The following GRM8 variants were observed in gnomAD, a reference collection of about 807,000 sequenced individuals.
The protein encoded by GRM8 is glutamate metabotropic receptor 8.
GRM8 carries 47 observed loss-of-function variants against 87.2 expected under a neutral mutation model. That is an observed-to-expected ratio of 0.54 (90% confidence interval 0.43 to 0.69). GRM8 has a LOEUF of 0.69. Ranked by LOEUF, GRM8 falls within the 30% of genes least tolerant of loss-of-function variation. GRM8 has a pLI of 0.00. For missense variants in GRM8, 1,019 were observed against 1,139.2 expected, an observed-to-expected ratio of 0.89 and a Z score of 1.52; for synonymous variants, 396 against 404.5, an observed-to-expected ratio of 0.98 and a Z score of 0.25.
intron 2 of GRM8, among the ~76,000 whole-genome samples, chr7:127,124,927 T>G (rs1827279371): frequency 6.6e-6 from 1 of 152,076 alleles, no homozygotes; most frequent in Admixed American, 6.6e-5. Flanking sequence ...TTGAAAAAAT[T>G]TAACATCCAT....
intron 6 of GRM8, among the ~76,000 whole-genome samples, chr7:126,893,613 T>C (rs1801272237): frequency 1.3e-5 from 2 of 151,978 alleles, no homozygotes; most frequent in African/African-American, 4.8e-5. Flanking sequence ...ATGCTAAGCA[T>C]ATGCTAAGTC....
intron 6 of GRM8, among the ~76,000 whole-genome samples, chr7:126,874,145 G>T (rs1799339978): frequency 6.6e-6 from 1 of 151,924 alleles, no homozygotes; most frequent in Non-Finnish European, 1.5e-5. Flanking sequence ...CTGCCTGATG[G>T]AATTCTTCAC....
intron 3 of GRM8, among the ~76,000 whole-genome samples, chr7:126,978,542 G>A (rs1443328024): frequency 6.6e-6 from 1 of 152,148 alleles, no homozygotes; most frequent in African/African-American, 2.4e-5. Flanking sequence ...ACTCTCTAAG[G>A]GTACCTTGGT....
intron 3 of GRM8, among the ~76,000 whole-genome samples, chr7:126,943,021 T>A (rs146796079): frequency 6.6e-6 from 1 of 152,162 alleles, no homozygotes; most frequent in Non-Finnish European, 1.5e-5. Flanking sequence ...TTCTACTCAA[T>A]ATGTCTCAGG....
At chr7:127,054,594 A>G (rs1365197425) in intron 3 of GRM8, among the ~76,000 whole-genome samples, 1 of 152,210 alleles carries the variant, frequency 6.6e-6, no homozygotes, top group Middle Eastern at 3.2e-3. Flanking sequence ...TGTTAGCGCA[A>G]CTAGTAACTC....
rs545095006 is a variant in GRM8, at chr7:126,776,404, T to G, written c.1157-6339A>C. Among the ~76,000 whole-genome samples, 21 of 152,258 alleles carry G rather than the reference T, an allele frequency of 1.4e-4. No individual in the cohort carries two copies. The South Asian group carries it at 4.4e-3, about 32-fold the overall frequency. ...GCTAGGTAGTAGAAAATTGGCACCA[T>G]GAACAGTTTGAAAAATCAGGTGAAG... is the stretch of plus-strand genomic sequence containing the variant. On this transcript the variant is annotated intron_variant, in intron 6 of 10. Transcript: ENST00000339582.
intron 6 of GRM8, among the ~76,000 whole-genome samples, chr7:126,800,394 TCCC>T (rs1822530394): frequency 6.6e-6 from 1 of 152,048 alleles, no homozygotes; most frequent in South Asian, 2.1e-4. Context: ...CAGTAGACTT[TCCC>T]CCCATTTTTC....
intron 2 of GRM8, among the ~76,000 whole-genome samples, chr7:127,113,629 C>A (rs1246712494): frequency 6.6e-6 from 1 of 152,102 alleles, no homozygotes; most frequent in Admixed American, 6.6e-5. Flanking sequence ...CAGCTTGAAG[C>A]CACATTCTTC....
At chr7:126,679,269 T>C (rs369307729) in intron 7 of GRM8, among the ~76,000 whole-genome samples, 9 of 152,244 alleles carry the variant, frequency 5.9e-5, no homozygotes, top group Admixed American at 2.6e-4. Context: ...CAAATGTACA[T>C]ACTGCAGGAA....
chr7:127,234,682 G>A (rs10226369), intron 2 of GRM8, among the ~76,000 whole-genome samples: 8,524 of 152,178 alleles, frequency 0.056, 314 homozygotes, highest in African/African-American at 0.092. Context: ...ACCCCACCCC[G>A]GGCCTCCCCG....
chr7:127,160,432 A>C (rs1385327524), intron 2 of GRM8, among the ~76,000 whole-genome samples: 1 of 152,190 alleles, frequency 6.6e-6, no homozygotes, highest in Non-Finnish European at 1.5e-5. Context: ...CCACAAGCCA[A>C]GGCCATTACC....
chr7:127,235,060 A>G (rs1159645087), intron 2 of GRM8, among the ~76,000 whole-genome samples: 1 of 152,224 alleles, frequency 6.6e-6, no homozygotes, highest in Non-Finnish European at 1.5e-5. Flanking sequence ...AGGTTTTCAG[A>G]CAATTTTGTA....
At position 126,689,638 on chromosome 7, in the gene GRM8, A is replaced by G. The variant is rs561192489; in HGVS notation, c.1358-80140T>C. 1.2e-4 allele frequency among the ~76,000 whole-genome samples: 19 copies of G among 152,288 alleles called. 1 individual carries two copies. In the South Asian group the frequency reaches 3.9e-3, roughly 32 times the overall value. On this transcript the variant is annotated intron_variant, in intron 7 of 10. Coordinates refer to ENST00000339582, the MANE Select transcript of GRM8 (RefSeq NM_000845.3). ...AGGGGGTGGCTGGAAAGGATTTTCC[A>G]AAAGAGATTTGCGGAATGAGAGGGA...
At chr7:126,777,689 A>C (rs1462565375) in intron 6 of GRM8, among the ~76,000 whole-genome samples, 1 of 152,196 alleles carries the variant, frequency 6.6e-6, no homozygotes, top group Non-Finnish European at 1.5e-5. Flanking sequence ...TACTGACAAT[A>C]AGTATTAACA....
chr7:126,468,000 T>G (rs1156598263), intron 9 of GRM8, among the ~76,000 whole-genome samples: 1 of 152,040 alleles, frequency 6.6e-6, no homozygotes, highest in Non-Finnish European at 1.5e-5. Context: ...AACTTCAATT[T>G]CCTCATCTAT....
intron 2 of GRM8, among the ~76,000 whole-genome samples, chr7:127,236,460 A>T (rs1393768359): frequency 6.6e-6 from 1 of 152,236 alleles, no homozygotes; most frequent in Non-Finnish European, 1.5e-5. Context: ...AGGAGAAGCA[A>T]GAAACCTTCT....
intron 9 of GRM8, among the ~76,000 whole-genome samples, chr7:126,506,487 T>G (rs1810489093): frequency 6.6e-6 from 1 of 151,986 alleles, no homozygotes; most frequent in Non-Finnish European, 1.5e-5. Context: ...ATTATACTCA[T>G]CATTTAAGCC....
chr7:126,552,547 C>A (rs1341133983), intron 8 of GRM8, among the ~76,000 whole-genome samples: 3 of 152,076 alleles, frequency 2.0e-5, no homozygotes, highest in Admixed American at 1.3e-4. Context: ...AAATCCATTT[C>A]TATATACTTT....
rs980887853 is a variant in GRM8, at chr7:127,138,750, C to T, written c.511-32038G>A. Among the ~76,000 whole-genome samples, 13 of 152,132 alleles carry T rather than the reference C, an allele frequency of 8.5e-5. 1 individual carries two copies. Among genetic ancestry groups the T allele is most frequent in the African/African-American group, 3.1e-4 (13 of 41,394 alleles). On this transcript the variant is annotated intron_variant, in intron 2 of 10. Coordinates refer to ENST00000339582, the MANE Select transcript of GRM8 (RefSeq NM_000845.3). ...CAAAGAAAAGAGATAAAACAACTCT[C>T]TTTAGTGACGAAAAGCACTGAAGAG...
Sources: allele counts gnomAD v4.1 joint callset (sites outside exome capture counted in the v4.1 genomes callset), GRCh38; gene constraint gnomAD v4.1.1; transcripts MANE v1.5; gene names NCBI Gene and HGNC (gene_info 2026-07-23, HGNC 2026-07-21).